RPF2: variants seen among roughly 807,000 people sequenced by gnomAD.
The protein encoded by RPF2 is ribosome production factor 2 homolog, also known as brix domain containing 1.
RPF2 carries 21 observed loss-of-function variants against 38.9 expected under a neutral mutation model. That is an observed-to-expected ratio of 0.54 (90% CI 0.38 to 0.78). The LOEUF is 0.78. Among genes scored for constraint, RPF2 ranks in the 30% least tolerant of loss-of-function variants. The probability of loss-of-function intolerance (pLI) is 0.00; values close to 1 mark genes in which losing one functional copy is unlikely to be tolerated. For synonymous variants in RPF2, 121 were observed against 126.2 expected, an observed-to-expected ratio of 0.96 and a Z score of 0.28; for missense variants, 314 against 358.1, an observed-to-expected ratio of 0.88 and a Z score of 0.99.
At chr6:111,013,886 C>T (rs565770705) in intron 7 of RPF2, among the ~76,000 whole-genome samples, 3 of 152,218 alleles carry the variant, frequency 2.0e-5, no homozygotes, top group African/African-American at 4.8e-5. Context: ...CCTGTAATCC[C>T]AGCACTTTGA....
chr6:111,015,515 CAG>C (rs1400034527), intron 7 of RPF2, among the ~76,000 whole-genome samples: 1 of 152,140 alleles, frequency 6.6e-6, no homozygotes, highest in African/African-American at 2.4e-5. Context: ...TGAGCTGACT[CAG>C]AGGAAGAACT....
intron 3 of RPF2, among the ~76,000 whole-genome samples, chr6:110,990,814 C>G (rs1240885890): frequency 1.3e-5 from 2 of 152,146 alleles, no homozygotes; most frequent in East Asian, 1.9e-4. Flanking sequence ...CTCAGGTGAT[C>G]CACCAGCTTC....
At chr6:110,993,113 C>T (rs1051934067) in intron 4 of RPF2, among the ~76,000 whole-genome samples, 1 of 152,028 alleles carries the variant, frequency 6.6e-6, no homozygotes, top group South Asian at 2.1e-4. Flanking sequence ...GACACGATGC[C>T]TGGCTAATTT....
At chr6:111,022,965 C>A (rs1453355226) in intron 8 of RPF2, among the ~76,000 whole-genome samples, 3 of 152,268 alleles carry the variant, frequency 2.0e-5, no homozygotes, top group Non-Finnish European at 4.4e-5. Flanking sequence ...GTGGCGCGAT[C>A]TCGGCTCACT....
At chr6:111,019,094 A>T (rs6921647) in intron 8 of RPF2, among the ~76,000 whole-genome samples, 24,721 of 152,056 alleles carry the variant, frequency 0.16, 2,555 homozygotes, top group East Asian at 0.53. Context: ...ACTGGCCTCC[A>T]TGCTACTTAG....
intron 6 of RPF2, among the ~76,000 whole-genome samples, chr6:111,005,840 G>C (rs958012735): frequency 6.6e-6 from 1 of 151,732 alleles, no homozygotes; most frequent in African/African-American, 2.4e-5. Flanking sequence ...TCTTGAGACG[G>C]AGTCTCTGTC....
chr6:111,008,020 T>C lies in RPF2; in HGVS notation c.394-18T>C. On this transcript the variant is annotated intron_variant, in intron 6 of 9. Transcript: ENST00000441448. ...AGACTTTGGTAATTATATAATTGCTTTTTTTTTTTTTTTTTAGAACAGTAA... is the reference window on the plus strand; with the variant it reads ...AGACTTTGGTAATTATATAATTGCTCTTTTTTTTTTTTTTTAGAACAGTAA... 1 of 426,116 alleles carries C rather than the reference T, an allele frequency of 2.3e-6. No homozygotes were observed. The highest frequency in any genetic ancestry group is 3.4e-6 in the Non-Finnish European group (1 of 296,182). 26.4% of individuals were successfully genotyped at this position (426,116 alleles called of 1,614,324 possible). A position where few individuals can be genotyped will look rare whatever the true frequency, so the allele number is the denominator to read the frequency against.
rs749674122 is a variant in RPF2 at position 111,025,570 on chromosome 6, T to TA, written c.917dup (p.Asn306LysfsTer30). 12 of 1,581,682 alleles carry TA rather than the reference T, an allele frequency of 7.6e-6. No individual in the cohort carries two copies. The highest frequency in any genetic ancestry group is 2.4e-5 in the South Asian group (2 of 85,074). On this transcript the variant is annotated frameshift_variant, in exon 10 of 10. Coordinates refer to ENST00000441448, the MANE Select transcript of RPF2 (RefSeq NM_032194.3). LOFTEE classifies it high-confidence loss of function. ...ACCACGAGAAAAAGTCAAAAAGAAT[T>TA]AAAAAAAATTGATGGAACTTAGCCA...
chr6:110,984,979 A>C, intron 1 of RPF2, 27 bp from the exon 2 acceptor site: 7 of 1,579,680 alleles, frequency 4.4e-6, no homozygotes, highest in Middle Eastern at 4.7e-4. Flanking sequence ...ATGTTTAAAT[A>C]GTTATGAATT....
At chr6:110,982,255 A>T (rs1771444969) in intron 1 of RPF2, 126 bp downstream of exon 1, 5 of 1,087,572 alleles carry the variant, frequency 4.6e-6, no homozygotes, top group Non-Finnish European at 1.4e-6. Flanking sequence ...GGGCCGATCG[A>T]TCACCAGCCC....
intron 2 of RPF2, among the ~76,000 whole-genome samples, chr6:110,988,518 CT>C (rs1771562582): frequency 1.3e-5 from 2 of 152,016 alleles, no homozygotes; most frequent in East Asian, 3.9e-4. Context: ...TCACCACAGC[CT>C]CGAATTCCTG....
chr6:110,991,483 G>A (rs1771619644), intron 3 of RPF2, among the ~76,000 whole-genome samples: 2 of 151,240 alleles, frequency 1.3e-5, no homozygotes, highest in African/African-American at 4.9e-5. Context: ...GGATGCAGAA[G>A]GATGCAGAAT....
chr6:110,985,121 A>G lies in RPF2; in HGVS notation c.139A>G (p.Lys47Glu). 1 of 1,613,568 alleles carries G rather than the reference A, an allele frequency of 6.2e-7. No homozygotes were observed. Among genetic ancestry groups the G allele is most frequent in the Non-Finnish European group, 8.5e-7 (1 of 1,179,684 alleles). ...GGGAAATGCAAATGCAACAGTGACA[A>G]AAGTACTTAAAGATGTGGTAAGTAT... is the stretch of plus-strand genomic sequence containing the variant. Reference protein sequence around the residue: ...KGGNANATVTKVLKDVYALKK... With the variant: ...KGGNANATVTEVLKDVYALKK... The change falls in exon 2 of 10, where the codon AAA (lysine) becomes GAA (glutamate). Residue 47 changes from lysine (K) to glutamate (E), a missense_variant. By Grantham distance (56) the Lys-to-Glu change is moderately conservative. Coordinates refer to ENST00000441448, the MANE Select transcript of RPF2 (RefSeq NM_032194.3).
At chr6:111,021,571 C>T (rs1252948008) in intron 8 of RPF2, among the ~76,000 whole-genome samples, 1 of 152,134 alleles carries the variant, frequency 6.6e-6, no homozygotes, top group African/African-American at 2.4e-5. Context: ...GGCTCAGCCA[C>T]GTGACATGGG....
intron 1 of RPF2, chr6:110,982,452 G>A (rs1583254875): frequency 2.6e-6 from 1 of 386,028 alleles, no homozygotes; most frequent in Admixed American, 4.4e-5. Context: ...CTCGGAATCC[G>A]ACAGATCTGA....
chr6:110,985,213 G>A lies in RPF2; in HGVS notation c.156+75G>A, dbSNP rs1036995923. 4.2e-5 allele frequency: 53 copies of A among 1,249,216 alleles called. No homozygotes were observed. The African/African-American group carries it at 6.6e-4, about 16-fold the overall frequency. The allele number at this position is 1,249,216 out of a possible 1,614,324, so 77.4% of individuals were successfully genotyped here. On this transcript the variant is annotated intron_variant, in intron 2 of 9. Transcript: ENST00000441448. ...TTTCAGCATGCTAGGATGGGCTGTC[G>A]GAGAAATACGTAGATAAGCTTGCCT...
intron 8 of RPF2, 95 bp downstream of exon 8, chr6:111,015,951 T>C (rs763561901): frequency 1.1e-6 from 1 of 893,260 alleles, no homozygotes; most frequent in Non-Finnish European, 1.8e-6. Context: ...AATTGGTATC[T>C]GGCCAAAAGG....
chr6:110,995,915 C>T (rs576291476), intron 4 of RPF2, among the ~76,000 whole-genome samples: 9 of 151,750 alleles, frequency 5.9e-5, no homozygotes, highest in African/African-American at 2.2e-4. Flanking sequence ...TGGTCTCAAG[C>T]GATCCTTCCT....
At chr6:111,000,891 T>C (rs1562369851) in intron 6 of RPF2, among the ~76,000 whole-genome samples, 1 of 152,222 alleles carries the variant, frequency 6.6e-6, no homozygotes, top group African/African-American at 2.4e-5. Context: ...TAGAAGGTTA[T>C]ATAACTGCTC....
Sources: allele counts gnomAD v4.1 joint callset (sites outside exome capture counted in the v4.1 genomes callset), GRCh38; gene constraint gnomAD v4.1.1; transcripts MANE v1.5; gene names NCBI Gene and HGNC (gene_info 2026-07-23, HGNC 2026-07-21).